The following DNMBP variants were observed in gnomAD, a reference collection of about 807,000 sequenced individuals.
DNMBP encodes dynamin-binding protein.
A neutral mutation model predicts 150.0 loss-of-function variants in DNMBP; 87 were observed. That is an observed-to-expected ratio of 0.58 (90% CI 0.49 to 0.69). The LOEUF (loss-of-function observed/expected upper bound fraction) is 0.69, where lower values mean the gene tolerates loss of function less well. Among genes scored for constraint, DNMBP ranks in the 30% least tolerant of loss-of-function variants. The pLI, the probability that DNMBP is intolerant of heterozygous loss-of-function variation, is 0.00. For synonymous variants in DNMBP, 711 were observed against 750.4 expected, an observed-to-expected ratio of 0.95 and a Z score of 0.86; for missense variants, 1,774 against 1,949.0, an observed-to-expected ratio of 0.91 and a Z score of 1.69.
At position 99,957,075 on chromosome 10, in the gene DNMBP, C is replaced by T; in HGVS notation, c.399G>A (p.Trp133Ter). ...TCTGAAACAGGGCGCTCTGGGAGTGCCACTGCCGGCTCTGTGAGGAGAGGC... is the reference window on the plus strand; with the variant it reads ...TCTGAAACAGGGCGCTCTGGGAGTGTCACTGCCGGCTCTGTGAGGAGAGGC... ...ELCLSSQSRQ[W>*]HSQSALFQIP... The change falls in exon 4 of 17, where the codon TGG becomes TGA. Residue 133 changes from tryptophan (W) to a stop codon, truncating the protein, a stop_gained. Transcript: ENST00000324109. LOFTEE classifies it high-confidence loss of function. 1 of 1,614,152 alleles carries T rather than the reference C, an allele frequency of 6.2e-7. No individual in the cohort carries two copies. Among genetic ancestry groups the T allele is most frequent in the South Asian group, 1.1e-5 (1 of 91,086 alleles).
At chr10:99,954,038 C>CT (rs148676130) in intron 4 of DNMBP, among the ~76,000 whole-genome samples, 3,067 of 144,670 alleles carry the variant, frequency 0.021, 42 homozygotes, top group Middle Eastern at 0.092. Flanking sequence ...GTATGAGATT[C>CT]TTTTTTTTTT....
intron 4 of DNMBP, among the ~76,000 whole-genome samples, chr10:99,941,679 G>T (rs1237398321): frequency 6.6e-6 from 1 of 151,868 alleles, no homozygotes; most frequent in Non-Finnish European, 1.5e-5. Context: ...TGTTGGTCAG[G>T]CTGGTCTTGA....
At chr10:99,890,947 C>G (rs972370359) in intron 11 of DNMBP, among the ~76,000 whole-genome samples, 2 of 152,066 alleles carry the variant, frequency 1.3e-5, no homozygotes, top group Non-Finnish European at 2.9e-5. Flanking sequence ...GTGCCCGGCC[C>G]TAGTTACATT....
intron 4 of DNMBP, among the ~76,000 whole-genome samples, chr10:99,945,182 A>C (rs2040342898): frequency 6.6e-6 from 1 of 152,226 alleles, no homozygotes; most frequent in African/African-American, 2.4e-5. Flanking sequence ...AAACAAAAAA[A>C]ACAAAAAAAA....
intron 3 of DNMBP, among the ~76,000 whole-genome samples, chr10:99,968,180 T>C (rs1271310416): frequency 6.6e-6 from 1 of 152,116 alleles, no homozygotes; most frequent in East Asian, 1.9e-4. Context: ...AGTATGACTA[T>C]CTGTTTTAAA....
intron 1 of DNMBP, among the ~76,000 whole-genome samples, chr10:99,980,813 G>C (rs913566251): frequency 6.6e-6 from 1 of 151,848 alleles, no homozygotes; most frequent in South Asian, 2.1e-4. Context: ...TAAAAAAAAA[G>C]ATATTAAGCT....
At chr10:99,959,332 A>G (rs1171086937) in intron 3 of DNMBP, among the ~76,000 whole-genome samples, 1 of 152,204 alleles carries the variant, frequency 6.6e-6, no homozygotes, top group East Asian at 1.9e-4. Context: ...GGAAAAATAC[A>G]ATAATTAGCC....
At position 99,876,413 on chromosome 10, in the gene DNMBP, G is replaced by GTA. The variant is rs2039275303; in HGVS notation, c.*737_*738insTA. 1 of 151,506 alleles carries GTA rather than the reference G, an allele frequency of 6.6e-6. No homozygotes were observed. Among genetic ancestry groups the GTA allele is most frequent in the Non-Finnish European group, 1.5e-5 (1 of 67,940 alleles). 9.4% of individuals were successfully genotyped at this position (151,506 alleles called of 1,614,324 possible). On this transcript the variant is annotated 3_prime_UTR_variant, in exon 17 of 17. Transcript: ENST00000324109. ...CCATCTCAAAAAAAAAAGCGGGGGG[G>GTA]CAGTGATTGTACCTAACAAGGGAAG...
intron 1 of DNMBP, among the ~76,000 whole-genome samples, chr10:100,000,143 G>A (rs973804954): frequency 2.6e-5 from 4 of 152,182 alleles, no homozygotes; most frequent in African/African-American, 9.7e-5. Context: ...TTCTGAACCA[G>A]ATTAGAATAC....
At chr10:99,879,330 GGTGTACACCT>G (rs2039327688) in intron 16 of DNMBP, among the ~76,000 whole-genome samples, 1 of 151,520 alleles carries the variant, frequency 6.6e-6, no homozygotes, top group African/African-American at 2.4e-5. Flanking sequence ...TGGGTGTGTT[GGTGTACACCT>G]GTAATCCCAG....
chr10:99,935,434 T>G (rs918513453), intron 4 of DNMBP, among the ~76,000 whole-genome samples: 13 of 152,162 alleles, frequency 8.5e-5, no homozygotes, highest in Non-Finnish European at 1.8e-4. Flanking sequence ...TCACCCAGGT[T>G]GGAGTGCAGT....
chr10:99,883,770 T>C (rs576570350), intron 15 of DNMBP, among the ~76,000 whole-genome samples: 1 of 151,924 alleles, frequency 6.6e-6, no homozygotes, highest in East Asian at 1.9e-4. Flanking sequence ...CTGTAAGATA[T>C]GGCAAGAGCT....
chr10:99,879,084 C>CAAAAAAA (rs71009780), intron 16 of DNMBP, among the ~76,000 whole-genome samples: 20 of 62,396 alleles, frequency 3.2e-4, no homozygotes, highest in South Asian at 2.5e-3. Context: ...GACTCTGTCT[C>CAAAAAAA]AAAAAAAAAA....
At chr10:99,899,408 G>A (rs2039705644) in intron 7 of DNMBP, among the ~76,000 whole-genome samples, 1 of 151,882 alleles carries the variant, frequency 6.6e-6, no homozygotes, top group Non-Finnish European at 1.5e-5. Flanking sequence ...TTGAGACCAA[G>A]GTGGCCAACA....
chr10:99,975,186 C>T (rs2040715602), intron 1 of DNMBP, among the ~76,000 whole-genome samples: 1 of 151,896 alleles, frequency 6.6e-6, no homozygotes, highest in Non-Finnish European at 1.5e-5. Flanking sequence ...CATGGAGAAA[C>T]CCCGTCTCTA....
chr10:99,965,496 CTT>C (rs35603478), intron 3 of DNMBP, among the ~76,000 whole-genome samples: 11 of 134,360 alleles, frequency 8.2e-5, no homozygotes, highest in Admixed American at 1.5e-4. Context: ...ATCTCACATA[CTT>C]TTTTTTTTTT....
chr10:99,993,459 T>TA (rs1223395818), intron 1 of DNMBP, among the ~76,000 whole-genome samples: 1 of 152,174 alleles, frequency 6.6e-6, no homozygotes, highest in Non-Finnish European at 1.5e-5. Flanking sequence ...TCTCAATTTT[T>TA]AAAAGTAAGT....
At chr10:99,949,702 A>C (rs757725829) in intron 4 of DNMBP, among the ~76,000 whole-genome samples, 1 of 152,182 alleles carries the variant, frequency 6.6e-6, no homozygotes, top group Non-Finnish European at 1.5e-5. Context: ...GACTACACCC[A>C]CATTAAGTCT....
intron 1 of DNMBP, among the ~76,000 whole-genome samples, chr10:100,001,410 G>GTT (rs1346291816): frequency 0.068 from 6,560 of 95,930 alleles, 389 homozygotes; most frequent in South Asian, 0.15. Context: ...TTTTGTTGTT[G>GTT]TTGTTTTTTT....
Sources: gnomAD v4.1 joint callset for allele counts (sites outside exome capture counted in the v4.1 genomes callset) on GRCh38, gnomAD v4.1.1 for gene constraint, MANE v1.5 for transcripts, NCBI Gene and HGNC (gene_info 2026-07-23, HGNC 2026-07-21) for gene names.